Variants in PTPRD observed in about 807,000 individuals in gnomAD.
PTPRD encodes receptor-type tyrosine-protein phosphatase delta.
A neutral mutation model predicts 214.5 loss-of-function variants in PTPRD; 34 were observed. That is an observed-to-expected ratio of 0.16 (90% CI 0.12 to 0.21). The LOEUF (loss-of-function observed/expected upper bound fraction) is 0.21, where lower values mean the gene tolerates loss of function less well. PTPRD is among the 10% of genes least tolerant of loss of function. The pLI is 1.00. For synonymous variants in PTPRD, 1,128 were observed against 845.7 expected (o/e 1.33, Z -5.79); for missense variants, 2,545 against 2,398.7 (o/e 1.06, Z -1.27).
chr9:9,807,024 G>T (rs917825255), intron 5 of PTPRD, among the ~76,000 whole-genome samples: 1 of 152,104 alleles, frequency 6.6e-6, no homozygotes, highest in African/African-American at 2.4e-5. Flanking sequence ...CAAGACAAGA[G>T]TCAGATGGAA....
At chr9:9,715,034 C>A (rs1270666619) in intron 7 of PTPRD, among the ~76,000 whole-genome samples, 1 of 152,050 alleles carries the variant, frequency 6.6e-6, no homozygotes, top group Non-Finnish European at 1.5e-5. Flanking sequence ...TCATTTCTTA[C>A]AGAATTTAGC....
At chr9:10,196,911 C>T (rs914362286) in intron 3 of PTPRD, among the ~76,000 whole-genome samples, 1 of 152,158 alleles carries the variant, frequency 6.6e-6, no homozygotes, top group Admixed American at 6.6e-5. Context: ...TGCCCTTCTG[C>T]TAAGTGAGGT....
At chr9:8,438,982 G>A (rs1451491837) in intron 34 of PTPRD, among the ~76,000 whole-genome samples, 4 of 152,248 alleles carry the variant, frequency 2.6e-5, no homozygotes, top group African/African-American at 7.2e-5. Context: ...AAAAATTCAA[G>A]CAGACCTACA....
At chr9:8,822,479 T>A (rs1452428950) in intron 11 of PTPRD, among the ~76,000 whole-genome samples, 1 of 152,036 alleles carries the variant, frequency 6.6e-6, no homozygotes, top group African/African-American at 2.4e-5. Flanking sequence ...CCAGAGAGAG[T>A]AGAACTGTTA....
chr9:9,001,709 A>C (rs1567516562), intron 11 of PTPRD, among the ~76,000 whole-genome samples: 1 of 152,050 alleles, frequency 6.6e-6, no homozygotes, highest in East Asian at 1.9e-4. Flanking sequence ...AAATACATCC[A>C]GAGTTCTAAA....
intron 8 of PTPRD, among the ~76,000 whole-genome samples, chr9:9,570,954 C>T (rs944314384): frequency 8.6e-5 from 13 of 151,366 alleles, no homozygotes; most frequent in African/African-American, 2.7e-4. Context: ...AACTGAAACA[C>T]GTTAGCTAAC....
chr9:9,431,144 A>C (rs138925966), intron 8 of PTPRD, among the ~76,000 whole-genome samples: 3 of 152,254 alleles, frequency 2.0e-5, no homozygotes, highest in African/African-American at 4.8e-5. Context: ...AAATGTTTGC[A>C]ATCTACCCAT....
intron 4 of PTPRD, among the ~76,000 whole-genome samples, chr9:9,967,124 G>C (rs1427552258): frequency 6.6e-6 from 1 of 152,178 alleles, no homozygotes; most frequent in Non-Finnish European, 1.5e-5. Flanking sequence ...TCTGTAGTCA[G>C]TCTGCCTGGG....
chr9:8,798,874 C>G (rs561860310), intron 11 of PTPRD, among the ~76,000 whole-genome samples: 1 of 152,214 alleles, frequency 6.6e-6, no homozygotes, highest in Non-Finnish European at 1.5e-5. Context: ...GTCCTAGTCT[C>G]ATTGCTGCAG....
intron 2 of PTPRD, among the ~76,000 whole-genome samples, chr9:10,515,929 G>C (rs528349772): frequency 2.6e-4 from 39 of 151,968 alleles, no homozygotes; most frequent in African/African-American, 6.7e-4. Context: ...TTATGGCTGA[G>C]TAAGATTCCT....
chr9:9,372,057 T>C (rs912496846), intron 9 of PTPRD, among the ~76,000 whole-genome samples: 1 of 152,190 alleles, frequency 6.6e-6, no homozygotes, highest in Non-Finnish European at 1.5e-5. Flanking sequence ...TTGGAATAAG[T>C]GCAGTGTGGT....
intron 7 of PTPRD, among the ~76,000 whole-genome samples, chr9:9,668,093 G>C (rs551480192): frequency 6.6e-6 from 1 of 152,142 alleles, no homozygotes; most frequent in African/African-American, 2.4e-5. Flanking sequence ...CTGATGGTTT[G>C]TTAAAGTTAA....
chr9:10,090,094 T>A (rs568014960), intron 3 of PTPRD, among the ~76,000 whole-genome samples: 1 of 151,782 alleles, frequency 6.6e-6, no homozygotes, highest in East Asian at 1.9e-4. Context: ...CAAAATATAC[T>A]TCTCACTAAA....
intron 2 of PTPRD, among the ~76,000 whole-genome samples, chr9:10,357,586 A>G (rs2097301668): frequency 6.6e-6 from 1 of 152,192 alleles, no homozygotes; most frequent in Non-Finnish European, 1.5e-5. Flanking sequence ...CTGAAAACAT[A>G]CTGGTTTAAT....
At chr9:10,290,065 C>G (rs567476255) in intron 3 of PTPRD, among the ~76,000 whole-genome samples, 1 of 152,152 alleles carries the variant, frequency 6.6e-6, no homozygotes, top group African/African-American at 2.4e-5. Context: ...ACAGGATGAC[C>G]ATAATACATT....
chr9:8,532,480 A>G (rs2075965768), intron 14 of PTPRD, among the ~76,000 whole-genome samples: 1 of 152,052 alleles, frequency 6.6e-6, no homozygotes, highest in African/African-American at 2.4e-5. Flanking sequence ...TTAATAACTT[A>G]ACCACACAAA....
At chr9:8,873,388 C>T (rs2098335433) in intron 11 of PTPRD, among the ~76,000 whole-genome samples, 1 of 152,098 alleles carries the variant, frequency 6.6e-6, no homozygotes, top group Admixed American at 6.5e-5. Flanking sequence ...TTAATATCTT[C>T]TTTTTCCCCA....
chr9:9,595,288 T>TTATA (rs56676115), intron 7 of PTPRD, among the ~76,000 whole-genome samples: 11 of 123,616 alleles, frequency 8.9e-5, no homozygotes, highest in African/African-American at 3.0e-4. Flanking sequence ...TATATATATA[T>TTATA]TATATATATA....
At chr9:9,939,557 C>T (rs1414484199) in intron 4 of PTPRD, among the ~76,000 whole-genome samples, 2 of 152,114 alleles carry the variant, frequency 1.3e-5, no homozygotes, top group Non-Finnish European at 2.9e-5. Flanking sequence ...GTCAATAAAA[C>T]CTATTTCTTG....
Sources: allele counts gnomAD v4.1 joint callset (sites outside exome capture counted in the v4.1 genomes callset), GRCh38; gene constraint gnomAD v4.1.1; transcripts MANE v1.5; gene names NCBI Gene and HGNC (gene_info 2026-07-23, HGNC 2026-07-21).